The following PARD3B variants were observed in gnomAD, a reference collection of about 807,000 sequenced individuals.
PARD3B encodes partitioning defective 3 homolog B.
Under a neutral mutation model 130.2 loss-of-function variants are expected in PARD3B, and 103 were observed. That is an observed-to-expected ratio of 0.79 (90% CI 0.67 to 0.93). The LOEUF (loss-of-function observed/expected upper bound fraction) is 0.93, where lower values mean the gene tolerates loss of function less well. PARD3B is among the 40% of genes least tolerant of loss of function. PARD3B has a pLI of 0.00. For synonymous variants in PARD3B, 583 were observed against 553.2 expected (o/e 1.05, Z -0.76); for missense variants, 1,609 against 1,499.2 (o/e 1.07, Z -1.21).
intron 10 of PARD3B, among the ~76,000 whole-genome samples, chr2:205,145,780 G>A (rs1274385389): frequency 7.2e-6 from 1 of 139,068 alleles, no homozygotes; most frequent in Non-Finnish European, 1.5e-5. Flanking sequence ...CCCTCTCAAA[G>A]ACTCTGAATA....
chr2:204,963,123 A>T (rs1284275823), intron 2 of PARD3B, among the ~76,000 whole-genome samples: 1 of 152,160 alleles, frequency 6.6e-6, no homozygotes, highest in Non-Finnish European at 1.5e-5. Flanking sequence ...CTGGATTGAA[A>T]ATTAAAAAGA....
At chr2:204,980,915 G>GT (rs1173301687) in intron 3 of PARD3B, among the ~76,000 whole-genome samples, 1 of 152,168 alleles carries the variant, frequency 6.6e-6, no homozygotes, top group African/African-American at 2.4e-5. Context: ...CTGTAGCCTT[G>GT]TTAATAGTAA....
intron 22 of PARD3B, among the ~76,000 whole-genome samples, chr2:205,602,544 C>G (rs892776957): frequency 6.6e-6 from 1 of 152,166 alleles, no homozygotes; most frequent in Non-Finnish European, 1.5e-5. Flanking sequence ...ATTACTGCCT[C>G]AATTTCAGAG....
intron 7 of PARD3B, 45 bp downstream of exon 7, chr2:205,119,091 A>G: frequency 1.3e-6 from 2 of 1,569,326 alleles, no homozygotes; most frequent in African/African-American, 1.4e-5. Flanking sequence ...GATCCCTAGC[A>G]TGGTTATAAG....
chr2:205,419,595 AC>A (rs1277209934), intron 19 of PARD3B, among the ~76,000 whole-genome samples: 1 of 152,190 alleles, frequency 6.6e-6, no homozygotes, highest in Non-Finnish European at 1.5e-5. Flanking sequence ...CCAGAAAAAA[AC>A]AAGTTCCATA....
chr2:205,438,301 T>C (rs1479101693), intron 19 of PARD3B, among the ~76,000 whole-genome samples: 2 of 152,220 alleles, frequency 1.3e-5, no homozygotes, highest in Non-Finnish European at 2.9e-5. Context: ...AAGGAAGTGA[T>C]GAAATAAGGA....
At chr2:204,956,345 T>A (rs907403044) in intron 2 of PARD3B, among the ~76,000 whole-genome samples, 5 of 152,140 alleles carry the variant, frequency 3.3e-5, no homozygotes, top group Admixed American at 2.0e-4. Context: ...ATATTGAATA[T>A]GGATGTTACA....
chr2:205,065,360 A>C (rs1700304674), intron 4 of PARD3B, among the ~76,000 whole-genome samples: 1 of 152,268 alleles, frequency 6.6e-6, no homozygotes, highest in Admixed American at 6.5e-5. Flanking sequence ...TGACGACAAC[A>C]GTAGTGATAA....
intron 16 of PARD3B, among the ~76,000 whole-genome samples, chr2:205,248,553 G>A (rs2039675763): frequency 6.8e-6 from 1 of 146,910 alleles, no homozygotes; most frequent in African/African-American, 2.5e-5. Context: ...CACTAAGCAA[G>A]TTACCAGGTT....
In PARD3B at chr2:205,281,075, A is replaced by G. The variant is rs970222705; in HGVS notation, c.2186-19455A>G. On this transcript the variant is annotated intron_variant, in intron 16 of 22. Coordinates refer to ENST00000406610, the MANE Select transcript of PARD3B (RefSeq NM_001302769.2). The surrounding 1 kb of genome is among the most constrained non-coding windows in gnomAD (Gnocchi z 4.2). ...CATTTTCGATGCTCTGGTGTCACCC[A>G]TGGCAACAATATTTAGGGCTTCTTA... 2.6e-5 allele frequency among the ~76,000 whole-genome samples: 4 copies of G among 152,206 alleles called. No individual in the cohort carries two copies. Among genetic ancestry groups the G allele is most frequent in the African/African-American group, 4.8e-5 (2 of 41,458 alleles).
chr2:204,903,884 T>C (rs527773855), intron 2 of PARD3B, among the ~76,000 whole-genome samples: 1 of 152,324 alleles, frequency 6.6e-6, no homozygotes, highest in South Asian at 2.1e-4. Flanking sequence ...GACCAACCTC[T>C]ACTCAATGCT....
intron 16 of PARD3B, among the ~76,000 whole-genome samples, chr2:205,284,270 G>A (rs2041303641): frequency 6.6e-6 from 1 of 152,098 alleles, no homozygotes; most frequent in Non-Finnish European, 1.5e-5. Flanking sequence ...TTTGCACACG[G>A]TGACTGATGC....
At chr2:204,687,642 A>G (rs2037152156) in intron 2 of PARD3B, among the ~76,000 whole-genome samples, 1 of 152,220 alleles carries the variant, frequency 6.6e-6, no homozygotes, top group Non-Finnish European at 1.5e-5. Context: ...CAGGGTAAAT[A>G]AAAGGGTAAC....
chr2:204,568,938 G>C lies in PARD3B; in HGVS notation c.120+22819G>C, dbSNP rs533632189. 8.9e-5 allele frequency among the ~76,000 whole-genome samples: 13 copies of C among 145,542 alleles called. No homozygotes were observed. In the East Asian group the frequency reaches 2.7e-3, roughly 30 times the overall value. On this transcript the variant is annotated intron_variant, in intron 1 of 22. Coordinates refer to ENST00000406610, the MANE Select transcript of PARD3B (RefSeq NM_001302769.2). ...CCACTGCCCTCCAGCCTGGGTGACA[G>C]AGTGAGACTGTCTCAGGAAAAAAAA...
chr2:205,495,282 A>G (rs1414466678), intron 20 of PARD3B, among the ~76,000 whole-genome samples: 2 of 152,226 alleles, frequency 1.3e-5, no homozygotes, highest in Non-Finnish European at 2.9e-5. Context: ...TCATTACAAT[A>G]TACATCATGT....
At position 205,301,926 on chromosome 2, in the gene PARD3B, G is replaced by C; in HGVS notation, c.2630+225G>C. 3 of 742,824 alleles carry C rather than the reference G, an allele frequency of 4.0e-6. No homozygotes were observed. The East Asian group carries it at 8.0e-5, about 20-fold the overall frequency. The allele number at this position is 742,824 out of a possible 1,614,324, so 46.0% of individuals were successfully genotyped here. A position where few individuals can be genotyped will look rare whatever the true frequency, so the allele number is the denominator to read the frequency against. ...GTCTTAAGTTTGTTGTCAAAGAAAG[G>C]TCAACACTATGCCAGGCACGGTGGC... On this transcript the variant is annotated intron_variant, in intron 18 of 22. Coordinates refer to ENST00000406610, the MANE Select transcript of PARD3B (RefSeq NM_001302769.2). The surrounding 1 kb of genome is among the most constrained non-coding windows in gnomAD (Gnocchi z 5.2).
At chr2:205,324,261 A>G (rs2042861215) in intron 18 of PARD3B, among the ~76,000 whole-genome samples, 1 of 152,200 alleles carries the variant, frequency 6.6e-6, no homozygotes, top group Non-Finnish European at 1.5e-5. Flanking sequence ...TATACATTTA[A>G]CATCTTTAAT....
intron 2 of PARD3B, among the ~76,000 whole-genome samples, chr2:204,914,528 G>A (rs187759562): frequency 6.6e-6 from 1 of 152,298 alleles, no homozygotes; most frequent in East Asian, 1.9e-4. Flanking sequence ...ATGTGTGACT[G>A]GAAGGGCAGA....
At chr2:204,574,419 C>T (rs1363775251) in intron 1 of PARD3B, among the ~76,000 whole-genome samples, 2 of 152,140 alleles carry the variant, frequency 1.3e-5, no homozygotes, top group Non-Finnish European at 2.9e-5. Flanking sequence ...ACTTTCCCCT[C>T]CTTTGGGCAA....
Sources: gnomAD v4.1 joint callset for allele counts (sites outside exome capture counted in the v4.1 genomes callset) on GRCh38, gnomAD v4.1.1 for gene constraint, Gnocchi (gnomAD v3.1) non-coding constraint, MANE v1.5 for transcripts, NCBI Gene and HGNC (gene_info 2026-07-23, HGNC 2026-07-21) for gene names.